The following KCNIP3 variants were observed in gnomAD, a reference collection of about 807,000 sequenced individuals.
KCNIP3 encodes calsenilin.
Under a neutral mutation model 35.0 loss-of-function variants are expected in KCNIP3, and 28 were observed. That is an observed-to-expected ratio of 0.80 (90% CI 0.59 to 1.10). KCNIP3 has a LOEUF of 1.10. KCNIP3 is among the 50% of genes least tolerant of loss of function. The probability of loss-of-function intolerance (pLI) is 0.00; values close to 1 mark genes in which losing one functional copy is unlikely to be tolerated. For missense variants in KCNIP3, 295 were observed against 338.4 expected (o/e 0.87, Z 1.01); for synonymous variants, 134 against 133.8 (o/e 1.00, Z -0.01).
In KCNIP3 at chr2:95,374,296, A is replaced by G. The variant is rs768328496; in HGVS notation, c.182A>G (p.Asp61Gly). ...ILSSTAPQGS[D>G]SSDSELELST... ...CTCTCTGGTCTGTGTCCCACTCCAG[A>G]TAGCAGCGACAGTGAGCTGGAGCTG... The change falls in exon 3 of 9, where the codon GAT (aspartate) becomes GGT (glycine). Residue 61 changes from aspartate to glycine, a missense_variant and splice_region_variant. Transcript: ENST00000295225. 2.5e-6 allele frequency: 4 copies of G among 1,613,792 alleles called. No individual in the cohort carries two copies. The highest frequency in any genetic ancestry group is 3.4e-6 in the Non-Finnish European group (4 of 1,179,864).
chr2:95,338,524 A>C (rs1679115716), intron 2 of KCNIP3, among the ~76,000 whole-genome samples: 1 of 152,154 alleles, frequency 6.6e-6, no homozygotes, highest in African/African-American at 2.4e-5. Flanking sequence ...GTTTCCTAAA[A>C]GCCCTACCCA....
rs772476551 is a variant in KCNIP3 at position 95,310,340 on chromosome 2, C to T, written c.16-15C>T. 1 of 1,612,060 alleles carries T rather than the reference C, an allele frequency of 6.2e-7. No homozygotes were observed. The highest frequency in any genetic ancestry group is 1.7e-5 in the Admixed American group (1 of 59,980). On this transcript the variant is annotated splice_polypyrimidine_tract_variant and intron_variant, in intron 1 of 8. Transcript: ENST00000295225. ...GAGCAGGGGCTCAGGGCTGCTCTGC[C>T]TGTTCCTACTGCAGGAAGTGACAAA...
intron 2 of KCNIP3, among the ~76,000 whole-genome samples, chr2:95,326,597 C>T (rs532483316): frequency 6.6e-5 from 10 of 152,330 alleles, no homozygotes; most frequent in Admixed American, 3.9e-4. Flanking sequence ...TTGTGAATGG[C>T]GGTGGGAACG....
rs1680182871 is a variant in KCNIP3 at position 95,376,275 on chromosome 2, C to T, written c.447+1067C>T. The stretch of plus-strand genomic sequence containing the variant: ...CTCCTGGGGTGCCCTTTAAGAGGCA[C>T]CTGACACTTCAGGCAGTAAAGCATC... On this transcript the variant is annotated intron_variant, in intron 5 of 8. Transcript: ENST00000295225. This position sits in a 1 kb window ranked among gnomAD's most constrained non-coding sequence, Gnocchi z 4.2. Among the ~76,000 whole-genome samples the T allele has an allele frequency of 6.6e-6, 1 of 152,200 alleles. No homozygotes were observed. The highest frequency in any genetic ancestry group is 2.4e-5 in the African/African-American group (1 of 41,438).
At chr2:95,326,114 CAT>C (rs1428195581) in intron 2 of KCNIP3, among the ~76,000 whole-genome samples, 2 of 151,942 alleles carry the variant, frequency 1.3e-5, no homozygotes, top group East Asian at 3.9e-4. Context: ...TACACATACA[CAT>C]ACACGCACAC....
At chr2:95,383,375 C>T (rs1351470226) in intron 8 of KCNIP3, 81 bp downstream of exon 8, 1 of 1,383,972 alleles carries the variant, frequency 7.2e-7, no homozygotes, top group Non-Finnish European at 1.0e-6. Context: ...TGCCCCTTCC[C>T]TCACCCCAGT....
intron 1 of KCNIP3, among the ~76,000 whole-genome samples, chr2:95,297,674 G>C (rs1290769745): frequency 1.3e-5 from 2 of 152,028 alleles, no homozygotes; most frequent in Admixed American, 6.6e-5. Context: ...GTCCTGGCTG[G>C]TGTTGGGGTG....
chr2:95,383,187 C>G, intron 7 of KCNIP3, 45 bp from the exon 8 acceptor site: 2 of 1,381,738 alleles, frequency 1.4e-6, no homozygotes, highest in East Asian at 8.2e-5. Context: ...GCGGGGCTGT[C>G]TCTGCTGGGG....
At chr2:95,332,640 G>A (rs1678960483) in intron 2 of KCNIP3, among the ~76,000 whole-genome samples, 1 of 152,236 alleles carries the variant, frequency 6.6e-6, no homozygotes, top group African/African-American at 2.4e-5. Flanking sequence ...ATTAATATGT[G>A]TCATGTGGAA....
chr2:95,365,693 T>C (rs901136127), intron 2 of KCNIP3, among the ~76,000 whole-genome samples: 11 of 152,188 alleles, frequency 7.2e-5, no homozygotes, highest in African/African-American at 2.7e-4. Context: ...TTCTGTCTTA[T>C]TTTGTTTCTT....
chr2:95,325,272 G>A lies in KCNIP3; in HGVS notation c.181+14752G>A, dbSNP rs573671319. On this transcript the variant is annotated intron_variant, in intron 2 of 8. Transcript: ENST00000295225. ...TCCTGGGACTGGAGTGGGGCCTGGC[G>A]GAGACGGTGCAGGAGCTCACCTGAG... 1.1e-4 allele frequency among the ~76,000 whole-genome samples: 16 copies of A among 152,330 alleles called. No individual in the cohort carries two copies. In the East Asian group the frequency reaches 2.5e-3, roughly 24 times the overall value.
intron 2 of KCNIP3, chr2:95,346,850 C>T (rs1470490754): frequency 1.6e-5 from 4 of 252,580 alleles, no homozygotes; most frequent in Non-Finnish European, 2.9e-5. Context: ...CCGCCGCCGC[C>T]CTCCACGGGG....
At chr2:95,370,454 T>C (rs1193072184) in intron 2 of KCNIP3, among the ~76,000 whole-genome samples, 1 of 152,224 alleles carries the variant, frequency 6.6e-6, no homozygotes, top group East Asian at 1.9e-4. Flanking sequence ...GGGAGGTATC[T>C]CCACTCTGGC....
chr2:95,308,146 T>C, intron 1 of KCNIP3, among the ~76,000 whole-genome samples: 1 of 152,154 alleles, frequency 6.6e-6, no homozygotes, highest in Non-Finnish European at 1.5e-5. Context: ...TGTGTGTGCA[T>C]AGCGTGTGCA....
intron 1 of KCNIP3, among the ~76,000 whole-genome samples, chr2:95,305,491 G>A (rs1190291445): frequency 2.6e-5 from 4 of 152,114 alleles, no homozygotes; most frequent in Admixed American, 6.6e-5. Flanking sequence ...GTCCTAGTCC[G>A]ATTTCCCAGT....
intron 2 of KCNIP3, among the ~76,000 whole-genome samples, chr2:95,325,594 C>T (rs1243966965): frequency 2.0e-5 from 3 of 151,820 alleles, no homozygotes; most frequent in African/African-American, 4.8e-5. Flanking sequence ...CACACACGCA[C>T]TCACACACTC....
chr2:95,338,705 C>T (rs886878991), intron 2 of KCNIP3, among the ~76,000 whole-genome samples: 12 of 152,132 alleles, frequency 7.9e-5, no homozygotes, highest in Non-Finnish European at 1.3e-4. Context: ...GGAGTCTACT[C>T]GAGCGGAAGA....
rs1680214707 is a variant in KCNIP3 at position 95,376,913 on chromosome 2, G to GA, written c.447+1706dup. On this transcript the variant is annotated intron_variant, in intron 5 of 8. Transcript: ENST00000295225. The surrounding 1 kb of genome is among the most constrained non-coding windows in gnomAD (Gnocchi z 4.2). The stretch of plus-strand genomic sequence containing the variant: ...CTGTCCCTTTCTGTATATTCTTAGA[G>GA]ACAAGATGCATATTAGTTACAGTTT... Among the ~76,000 whole-genome samples the GA allele has an allele frequency of 6.6e-6, 1 of 152,192 alleles. No homozygotes were observed. The highest frequency in any genetic ancestry group is 1.5e-5 in the Non-Finnish European group (1 of 68,036).
intron 2 of KCNIP3, among the ~76,000 whole-genome samples, chr2:95,327,984 T>G (rs1678835481): frequency 1.3e-5 from 2 of 152,222 alleles, no homozygotes. Context: ...AGACCTGACC[T>G]GGGGAGATTT....
Sources: allele counts gnomAD v4.1 joint callset (sites outside exome capture counted in the v4.1 genomes callset), GRCh38; gene constraint gnomAD v4.1.1; non-coding constraint Gnocchi (gnomAD v3.1); transcripts MANE v1.5; gene names NCBI Gene and HGNC (gene_info 2026-07-23, HGNC 2026-07-21).